Variants in GRIA4 observed in about 807,000 individuals in gnomAD.
The protein encoded by GRIA4 is glutamate ionotropic receptor AMPA type subunit 4, also known as glutamate receptor 4.
Under a neutral mutation model 104.0 loss-of-function variants are expected in GRIA4, and 34 were observed. The ratio of observed to expected loss-of-function variants is 0.33; its 90% CI spans 0.25 to 0.44. The LOEUF (loss-of-function observed/expected upper bound fraction) is 0.44, where lower values mean the gene tolerates loss of function less well. Ranked by LOEUF, GRIA4 falls within the 20% of genes least tolerant of loss-of-function variation. GRIA4 has a pLI of 1.00. For synonymous variants in GRIA4, 386 were observed against 381.9 expected, an observed-to-expected ratio of 1.01 and a Z score of -0.13; for missense variants, 750 against 1,096.5, an observed-to-expected ratio of 0.68 and a Z score of 4.46.
rs1555010393 is a variant in GRIA4 at position 105,794,512 on chromosome 11, T to TAC, written c.487+41294_487+41295dup. 4.5e-3 allele frequency among the ~76,000 whole-genome samples: 476 copies of TAC among 106,824 alleles called. 10 individuals carry two copies. The highest frequency in any genetic ancestry group is 5.4e-3 in the Middle Eastern group (1 of 184). 70.1% of individuals were successfully genotyped at this position (106,824 alleles called of 152,430 possible). A position where few individuals can be genotyped will look rare whatever the true frequency, so the allele number is the denominator to read the frequency against. ...ATATATATATATATATATATATATATACATATACACACACACACATATCTG... is the reference window on the plus strand; with the variant it reads ...ATATATATATATATATATATATATATACACATATACACACACACACATATCTG... On this transcript the variant is annotated intron_variant, in intron 4 of 16. Transcript: ENST00000282499.
chr11:105,944,320 TAA>T (rs1948253093), intron 14 of GRIA4, among the ~76,000 whole-genome samples: 1 of 152,192 alleles, frequency 6.6e-6, no homozygotes, highest in African/African-American at 2.4e-5. Flanking sequence ...AGAATTTTAA[TAA>T]GTTACCCAAA....
chr11:105,888,490 T>C (rs1380879654), intron 6 of GRIA4, among the ~76,000 whole-genome samples: 1 of 150,776 alleles, frequency 6.6e-6, no homozygotes, highest in Non-Finnish European at 1.5e-5. Flanking sequence ...GTTTCACCGT[T>C]TTAGCCGGGA....
intron 14 of GRIA4, among the ~76,000 whole-genome samples, chr11:105,965,784 A>T (rs1035475110): frequency 1.3e-5 from 2 of 152,208 alleles, no homozygotes; most frequent in Non-Finnish European, 2.9e-5. Context: ...GAAATTAGTT[A>T]CAATTGCCTT....
intron 3 of GRIA4, among the ~76,000 whole-genome samples, chr11:105,615,291 CAT>C (rs1483034401): frequency 1.3e-5 from 2 of 151,814 alleles, no homozygotes. Context: ...ACTATGGTAA[CAT>C]AAACTATTCT....
intron 4 of GRIA4, among the ~76,000 whole-genome samples, chr11:105,836,905 G>T (rs892506028): frequency 6.6e-6 from 1 of 151,940 alleles, no homozygotes; most frequent in African/African-American, 2.4e-5. Flanking sequence ...TAGTAGTCTT[G>T]ACCTAGCAGC....
In GRIA4 at chr11:105,754,896, G is replaced by T. The variant is rs12418170; in HGVS notation, c.487+1676G>T. On this transcript the variant is annotated intron_variant, in intron 4 of 16. Transcript: ENST00000282499. ...TGTATCCAATATCTCAATAAATTTT[G>T]TAATATTATGTAAATTGTTCCTAGG... Among the ~76,000 whole-genome samples the T allele has an allele frequency of 1.7e-3, 259 of 152,188 alleles. 6 individuals are homozygous for T. Among genetic ancestry groups the T allele is most frequent in the Admixed American group, 0.015 (235 of 15,268 alleles).
At position 105,979,733 on chromosome 11, in the gene GRIA4, A is replaced by T; in HGVS notation, c.2703A>T (p.Leu901=). 6.2e-7 allele frequency: 1 copy of T among 1,612,010 alleles called. No homozygotes were observed. Among genetic ancestry groups the T allele is most frequent in the Non-Finnish European group, 8.5e-7 (1 of 1,178,262 alleles). The change falls in exon 17 of 17, where the codon CTA becomes CTT. Residue 901 remains leucine, a synonymous_variant. Transcript: ENST00000282499. ...GATTGGCTGTCATTGCATCGGACCTACCATAAAAACCAAAAAAATAATTGA... is the reference window on the plus strand; with the variant it reads ...GATTGGCTGTCATTGCATCGGACCTTCCATAAAAACCAAAAAAATAATTGA... The part of the protein sequence containing the change: ...SSGLAVIASD[L]P
At chr11:105,700,202 T>TA (rs755497224) in intron 3 of GRIA4, among the ~76,000 whole-genome samples, 16 of 152,340 alleles carry the variant, frequency 1.1e-4, no homozygotes, top group Admixed American at 3.3e-4. Context: ...ACATTTTTGA[T>TA]AACCATTGAC....
In GRIA4 at chr11:105,688,144, CTATATCTATATCTCTA is replaced by C. The variant is rs1364434138; in HGVS notation, c.248-64835_248-64820del. On this transcript the variant is annotated intron_variant, in intron 3 of 16. Coordinates refer to ENST00000282499, the MANE Select transcript of GRIA4 (RefSeq NM_000829.4). ...TCTATATCTATATCTATATCTATATCTATATCTATATCTCTATCTATCTATCTATCTATCTATCTAT... is the reference window on the plus strand; with the variant it reads ...TCTATATCTATATCTATATCTATATCTCTATCTATCTATCTATCTATCTAT... 8.6e-3 allele frequency among the ~76,000 whole-genome samples: 519 copies of C among 60,366 alleles called. 2 individuals are homozygous for C. Among genetic ancestry groups the C allele is most frequent in the African/African-American group, 0.025 (490 of 19,506 alleles). The allele number at this position is 60,366 out of a possible 152,430, so 39.6% of individuals were successfully genotyped here.
chr11:105,974,464 CT>C lies in GRIA4; in HGVS notation c.2544+24del, dbSNP rs1858867362. On this transcript the variant is annotated intron_variant, in intron 16 of 16. Coordinates refer to ENST00000282499, the MANE Select transcript of GRIA4 (RefSeq NM_000829.4). Reference sequence around the variant, plus strand: ...ATGAAGGTGGCAAAGAGTGCACAGACTTTTAACCCAACTTCCTCGCAGAATA... The same window carrying C: ...ATGAAGGTGGCAAAGAGTGCACAGACTTTAACCCAACTTCCTCGCAGAATA... 6.2e-7 allele frequency: 1 copy of C among 1,613,760 alleles called. No homozygotes were observed. The highest frequency in any genetic ancestry group is 8.5e-7 in the Non-Finnish European group (1 of 1,179,832).
intron 3 of GRIA4, among the ~76,000 whole-genome samples, chr11:105,665,143 T>A (rs1822988): frequency 5.9e-5 from 9 of 151,880 alleles, no homozygotes; most frequent in Non-Finnish European, 5.9e-5. Context: ...ATGAAGAGTT[T>A]TTTTGAAATT....
At chr11:105,689,843 C>G (rs1953022324) in intron 3 of GRIA4, among the ~76,000 whole-genome samples, 1 of 152,192 alleles carries the variant, frequency 6.6e-6, no homozygotes, top group Non-Finnish European at 1.5e-5. Context: ...GCCTCTCTAG[C>G]AAATGGCTTT....
At chr11:105,850,974 T>A (rs952181245) in intron 4 of GRIA4, among the ~76,000 whole-genome samples, 1 of 152,140 alleles carries the variant, frequency 6.6e-6, no homozygotes, top group African/African-American at 2.4e-5. Flanking sequence ...GACTGTAATA[T>A]CAGACAGAAT....
At chr11:105,786,046 G>A (rs955221307) in intron 4 of GRIA4, among the ~76,000 whole-genome samples, 2 of 151,118 alleles carry the variant, frequency 1.3e-5, no homozygotes, top group Non-Finnish European at 2.9e-5. Flanking sequence ...TTGGGAAGCT[G>A]AGGCAGGGGA....
At position 105,658,626 on chromosome 11, in the gene GRIA4, TAAAC is replaced by T. The variant is rs563323847; in HGVS notation, c.247+46196_247+46199del. 1.1e-3 allele frequency among the ~76,000 whole-genome samples: 171 copies of T among 151,906 alleles called. 2 individuals carry two copies. The highest frequency in any genetic ancestry group is 0.01 in the Middle Eastern group (3 of 292). ...ATAAACAAAGATGGAAAAATACTCATAAACAAAGTGGCAAGTGAGAGAAATTATT... is the reference window on the plus strand; with the variant it reads ...ATAAACAAAGATGGAAAAATACTCATAAAGTGGCAAGTGAGAGAAATTATT... On this transcript the variant is annotated intron_variant, in intron 3 of 16. Transcript: ENST00000282499.
rs867882061 is a variant in GRIA4 at position 105,675,469 on chromosome 11, G to A, written c.247+63035G>A. Among the ~76,000 whole-genome samples the A allele has an allele frequency of 5.3e-5, 8 of 151,686 alleles. No homozygotes were observed. The East Asian group carries it at 7.7e-4, about 15-fold the overall frequency. ...TAATAAGCTAATTTCCAGCATTAGC[G>A]TTCCTCTCTTGCTTAAATTTTAATA... On this transcript the variant is annotated intron_variant, in intron 3 of 16. Transcript: ENST00000282499.
intron 4 of GRIA4, among the ~76,000 whole-genome samples, chr11:105,807,180 C>T (rs1354272425): frequency 1.3e-5 from 2 of 151,766 alleles, no homozygotes; most frequent in African/African-American, 4.8e-5. Context: ...TAAAGAGTAG[C>T]CCCTAACTGC....
chr11:105,872,923 A>G (rs977749266), intron 5 of GRIA4, among the ~76,000 whole-genome samples: 1 of 151,880 alleles, frequency 6.6e-6, no homozygotes, highest in African/African-American at 2.4e-5. Context: ...TAGATTGAAC[A>G]TGGTGTATCT....
intron 3 of GRIA4, among the ~76,000 whole-genome samples, chr11:105,714,414 C>T (rs543265047): frequency 3.3e-5 from 5 of 152,030 alleles, no homozygotes; most frequent in Non-Finnish European, 5.9e-5. Context: ...TGGTTGAATG[C>T]TTCCCTACAA....
Sources: allele counts gnomAD v4.1 joint callset (sites outside exome capture counted in the v4.1 genomes callset), GRCh38; gene constraint gnomAD v4.1.1; transcripts MANE v1.5; gene names NCBI Gene and HGNC (gene_info 2026-07-23, HGNC 2026-07-21).